The following STK3 variants were observed in gnomAD, a reference collection of about 807,000 sequenced individuals.
STK3 encodes serine/threonine-protein kinase 3.
In STK3, 41 loss-of-function variants were observed where a neutral mutation model predicts 58.0. That is an observed-to-expected ratio of 0.71 (90% confidence interval 0.55 to 0.92). The LOEUF is 0.92. Among genes scored for constraint, STK3 ranks in the 40% least tolerant of loss-of-function variants. The pLI is 0.00. For synonymous variants in STK3, 170 were observed against 191.0 expected, an observed-to-expected ratio of 0.89 and a Z score of 0.91; for missense variants, 479 against 602.7, an observed-to-expected ratio of 0.79 and a Z score of 2.15.
intron 8 of STK3, among the ~76,000 whole-genome samples, chr8:98,562,991 T>G (rs955588863): frequency 1.4e-5 from 2 of 146,898 alleles, no homozygotes; most frequent in Admixed American, 1.4e-4. Context: ...GGTCAGGGGA[T>G]CCCAGGGTGA....
intron 1 of STK3, among the ~76,000 whole-genome samples, chr8:98,797,251 G>A (rs893473005): frequency 5.3e-5 from 8 of 152,176 alleles, no homozygotes; most frequent in African/African-American, 1.9e-4. Flanking sequence ...CCACCTGAAG[G>A]GCAGACAGCT....
chr8:98,541,758 C>G (rs1227961056), intron 9 of STK3, among the ~76,000 whole-genome samples: 1 of 152,172 alleles, frequency 6.6e-6, no homozygotes, highest in South Asian at 2.1e-4. Flanking sequence ...TTCCTAATAT[C>G]CTAAGATACA....
chr8:98,793,597 A>G (rs1052095632), intron 1 of STK3, among the ~76,000 whole-genome samples: 1 of 152,208 alleles, frequency 6.6e-6, no homozygotes, highest in Admixed American at 6.5e-5. Flanking sequence ...ATAATGGGAG[A>G]CTTCAACAGC....
intron 6 of STK3, among the ~76,000 whole-genome samples, chr8:98,675,659 G>A (rs574357517): frequency 3.9e-5 from 6 of 152,008 alleles, no homozygotes; most frequent in South Asian, 2.1e-4. Flanking sequence ...TCAGGAGATC[G>A]AGACCATCCT....
At chr8:98,563,323 C>T (rs1325768288) in intron 8 of STK3, among the ~76,000 whole-genome samples, 3 of 151,968 alleles carry the variant, frequency 2.0e-5, no homozygotes, top group Non-Finnish European at 4.4e-5. Context: ...GAGGACCCAT[C>T]TAGAATAATA....
intron 2 of STK3, among the ~76,000 whole-genome samples, chr8:98,374,149 T>C (rs935690638): frequency 6.6e-6 from 1 of 152,106 alleles, no homozygotes; most frequent in South Asian, 2.1e-4. Flanking sequence ...GAAGGGAACG[T>C]TTTACAGGTT....
rs1819453243 is a variant in STK3, at chr8:98,455,915, T to C, written c.1403A>G (p.Gln468Arg). 4 of 1,613,708 alleles carry C rather than the reference T, an allele frequency of 2.5e-6. No homozygotes were observed. Among genetic ancestry groups the C allele is most frequent in the Non-Finnish European group, 3.4e-6 (4 of 1,179,800 alleles). Reference protein sequence around the residue: ...MMEREIEELRQRYTAKRQPIL... With the variant: ...MMEREIEELRRRYTAKRQPIL... ...GGGCTGTCTTTTCGCAGTGTATCTC[T>C]GACGAAGTTCTTCTATCTCCCGTTC... Residue 468 changes from glutamine (Q) to arginine (R), a missense_variant, in exon 11 of 11, where the codon CAG (glutamine) becomes CGG (arginine). Gln to Arg is a conservative substitution (Grantham distance 43). Around this residue, in one of 3 missense-constraint regions of STK3, gnomAD observed 309 missense variants for 355.7 expected, o/e 0.87. Coordinates refer to ENST00000419617, the MANE Select transcript of STK3 (RefSeq NM_006281.4).
intron 9 of STK3, among the ~76,000 whole-genome samples, chr8:98,533,906 G>A (rs567855551): frequency 1.8e-4 from 27 of 152,220 alleles, no homozygotes; most frequent in African/African-American, 5.5e-4. Context: ...ATTAATTTGT[G>A]TTTTTGACTG....
chr8:98,585,710 G>A (rs1307269282), intron 7 of STK3, among the ~76,000 whole-genome samples: 1 of 151,962 alleles, frequency 6.6e-6, no homozygotes, highest in African/African-American at 2.4e-5. Flanking sequence ...TCACGATATT[G>A]ATTCTTCCTA....
chr8:98,890,638 C>T (rs1838163423), intron 1 of STK3, among the ~76,000 whole-genome samples: 1 of 152,174 alleles, frequency 6.6e-6, no homozygotes, highest in Non-Finnish European at 1.5e-5. Flanking sequence ...TTCACTGGAC[C>T]TTTCTAATTC....
chr8:98,745,143 C>G (rs1829556161), intron 4 of STK3, among the ~76,000 whole-genome samples: 1 of 152,140 alleles, frequency 6.6e-6, no homozygotes, highest in South Asian at 2.1e-4. Flanking sequence ...TGAGTAGCAA[C>G]AAAGTCTGAG....
chr8:98,721,759 A>G (rs1194979289), intron 4 of STK3, among the ~76,000 whole-genome samples: 2 of 152,164 alleles, frequency 1.3e-5, no homozygotes, highest in African/African-American at 2.4e-5. Context: ...TACCAAATAT[A>G]AAATTACCCC....
At chr8:98,625,501 C>T (rs1011689253) in intron 6 of STK3, among the ~76,000 whole-genome samples, 1 of 152,122 alleles carries the variant, frequency 6.6e-6, no homozygotes, top group Admixed American at 6.6e-5. Flanking sequence ...GCCCAAAGTG[C>T]CATGTTTCTC....
chr8:98,806,027 T>C (rs1271298981), intron 1 of STK3, among the ~76,000 whole-genome samples: 2 of 152,200 alleles, frequency 1.3e-5, no homozygotes, highest in Non-Finnish European at 2.9e-5. Context: ...ACCTGCCTCA[T>C]TGTAGTACTT....
intron 10 of STK3, among the ~76,000 whole-genome samples, chr8:98,514,819 A>C (rs1404326174): frequency 1.3e-5 from 2 of 152,112 alleles, no homozygotes; most frequent in African/African-American, 4.8e-5. Flanking sequence ...ACTATCTAAT[A>C]GATTTATATG....
chr8:98,620,680 A>C (rs1210079138), intron 6 of STK3, among the ~76,000 whole-genome samples: 1 of 151,476 alleles, frequency 6.6e-6, no homozygotes, highest in Admixed American at 6.6e-5. Context: ...GAAAGAAAAT[A>C]ATAAAGAGTA....
At chr8:98,493,512 C>A (rs1333557362) in intron 10 of STK3, among the ~76,000 whole-genome samples, 3 of 152,262 alleles carry the variant, frequency 2.0e-5, no homozygotes, top group Non-Finnish European at 4.4e-5. Context: ...TCCTATGATT[C>A]GATCTTGCTG....
intron 10 of STK3, among the ~76,000 whole-genome samples, chr8:98,503,603 C>T (rs942967258): frequency 1.3e-5 from 2 of 152,168 alleles, no homozygotes; most frequent in Non-Finnish European, 2.9e-5. Context: ...TACGTTGTGT[C>T]TTTGTTCTCA....
At chr8:98,844,339 C>T (rs774256399) in intron 3 of STK3, among the ~76,000 whole-genome samples, 1 of 151,976 alleles carries the variant, frequency 6.6e-6, no homozygotes, top group Non-Finnish European at 1.5e-5. Flanking sequence ...ATTATCTTTG[C>T]AATAATTGGT....
Sources: allele counts gnomAD v4.1 joint callset (sites outside exome capture counted in the v4.1 genomes callset), GRCh38; gene constraint gnomAD v4.1.1; regional missense constraint gnomAD v4.1.1; transcripts MANE v1.5; gene names NCBI Gene and HGNC (gene_info 2026-07-23, HGNC 2026-07-21).